FGD1: variants seen among roughly 807,000 people sequenced by gnomAD.
FGD1 encodes FYVE, RhoGEF and PH domain-containing protein 1.
A neutral mutation model predicts 65.0 loss-of-function variants in FGD1; 12 were observed. The observed-to-expected ratio is 0.18, with a 90% CI of 0.12 to 0.30. The LOEUF (loss-of-function observed/expected upper bound fraction) is 0.30. Among genes scored for constraint, FGD1 ranks in the 10% least tolerant of loss-of-function variants. FGD1 has a pLI of 1.00. For missense variants in FGD1, 542 were observed against 837.6 expected, an observed-to-expected ratio of 0.65 and a Z score of 4.36; for synonymous variants, 333 against 343.9, an observed-to-expected ratio of 0.97 and a Z score of 0.35.
At chrX:54,487,007 A>AAAC (rs932487637) in intron 1 of FGD1, among the ~76,000 whole-genome samples, 1 of 103,471 alleles carries the variant, frequency 9.7e-6, no homozygotes, top group Non-Finnish European at 2.0e-5. Flanking sequence ...AAAACAAAGA[A>AAAC]AACAACAACA....
chrX:54,470,418 G>A lies in FGD1; in HGVS notation c.699C>T (p.Gly233=). 1.7e-6 allele frequency: 2 copies of A among 1,208,043 alleles called. No individual in the cohort carries two copies. Among genetic ancestry groups the A allele is most frequent in the Non-Finnish European group, 1.1e-6 (1 of 894,958 alleles). The change falls in exon 4 of 18, where the codon GGC becomes GGT. Residue 233 remains glycine, a synonymous_variant. Transcript: ENST00000375135. ...VIVASDRPVP[G]PSPGPPEPVM... ...CTGGCTCTGGGGGACCTGGGCTGGG[G>A]CCAGGGACTGGTCTATCCGAGGCGA...
Position 54,446,364 on chromosome X carries a change from C to T in FGD1, c.2631G>A (p.Pro877=), listed in dbSNP as rs370717352. ...TGTCAGGCCGCTCCCCTGCCTCGGG[C>T]GGTCCCACCTCGAAGCCAATGAGGG... is the stretch of plus-strand genomic sequence containing the variant. ...SLPLIGFEVG[P]PEAGERPDRR... is the part of the protein sequence containing the mutation. Residue 877 remains proline (P), a synonymous_variant, in exon 18 of 18, where the codon CCG becomes CCA. Coordinates refer to ENST00000375135, the MANE Select transcript of FGD1 (RefSeq NM_004463.3). 183 of 1,209,418 alleles carry T rather than the reference C, an allele frequency of 1.5e-4. No homozygotes were observed. The highest frequency in any genetic ancestry group is 1.9e-4 in the Non-Finnish European group (173 of 894,777).
At chrX:54,447,273 C>T in intron 17 of FGD1, 38 bp downstream of exon 17, 1 of 1,205,960 alleles carries the variant, frequency 8.3e-7, no homozygotes, top group East Asian at 3.0e-5. Context: ...CTGGCTTTGC[C>T]AGGTGGCTGA....
chrX:54,465,962 C>A, intron 6 of FGD1, 110 bp from the exon 7 acceptor site: 1 of 896,113 alleles, frequency 1.1e-6, no homozygotes, highest in South Asian at 2.1e-5. Flanking sequence ...TCCTAGAAAC[C>A]TACTTCTCAG....
At position 54,455,821 on chromosome X, in the gene FGD1, G is replaced by T. The variant is rs1446570494; in HGVS notation, c.1843-37C>A. 3 of 1,051,216 alleles carry T rather than the reference G, an allele frequency of 2.9e-6. No individual in the cohort carries two copies. The Admixed American group carries it at 7.7e-5, about 27-fold the overall frequency. The allele number at this position is 1,051,216 out of a possible 1,213,427, so 86.6% of individuals were successfully genotyped here. ...AAAGTTTGGGATGTATGTGCAGAGGGCCTAGTGGGGATGTGGCCCAGCTCC... is the reference window on the plus strand; with the variant it reads ...AAAGTTTGGGATGTATGTGCAGAGGTCCTAGTGGGGATGTGGCCCAGCTCC... On this transcript the variant is annotated intron_variant, in intron 10 of 17. Coordinates refer to ENST00000375135, the MANE Select transcript of FGD1 (RefSeq NM_004463.3).
chrX:54,473,640 A>G (rs1350358545), intron 1 of FGD1, among the ~76,000 whole-genome samples: 1 of 112,803 alleles, frequency 8.9e-6, no homozygotes, highest in Non-Finnish European at 1.9e-5. Context: ...AACTATTTAC[A>G]TAGCATTTAC....
At chrX:54,487,243 A>G (rs1923300993) in intron 1 of FGD1, among the ~76,000 whole-genome samples, 1 of 111,110 alleles carries the variant, frequency 9.0e-6, no homozygotes, top group African/African-American at 3.3e-5. Context: ...TTCCCCTGAA[A>G]AAAGGCATTT....
At chrX:54,450,467 ATT>A in intron 12 of FGD1, among the ~76,000 whole-genome samples, 166 bp from the exon 13 acceptor site, 1 of 111,918 alleles carries the variant, frequency 8.9e-6, no homozygotes, top group Non-Finnish European at 1.9e-5. Flanking sequence ...GCCTGGGTTT[ATT>A]TATTCAACGA....
chrX:54,488,638 G>A (rs191845483), intron 1 of FGD1, among the ~76,000 whole-genome samples: 7 of 111,290 alleles, frequency 6.3e-5, no homozygotes, highest in East Asian at 5.6e-4. Context: ...TCACACTACC[G>A]ACTTTAAACT....
chrX:54,469,376 T>C (rs766055343), intron 4 of FGD1, among the ~76,000 whole-genome samples: 1 of 112,261 alleles, frequency 8.9e-6, no homozygotes, highest in East Asian at 2.8e-4. Flanking sequence ...AATTAGATAA[T>C]TTAATATAAA....
At chrX:54,456,156 G>T in intron 10 of FGD1, 64 bp downstream of exon 10, 1 of 1,139,520 alleles carries the variant, frequency 8.8e-7, no homozygotes, top group South Asian at 1.8e-5. Context: ...TGAGTACCAG[G>T]TCACTATGTG....
intron 8 of FGD1, among the ~76,000 whole-genome samples, chrX:54,461,600 CAAAAAAAAAAAAAA>C (rs1165040158): frequency 1.9e-3 from 35 of 18,057 alleles, no homozygotes; most frequent in Admixed American, 9.0e-4. Context: ...GACTCTGTCT[CAAAAAAAAAAAAAA>C]AAAAAAAAAA....
At chrX:54,474,723 G>A (rs996987611) in intron 1 of FGD1, among the ~76,000 whole-genome samples, 6 of 112,772 alleles carry the variant, frequency 5.3e-5, no homozygotes, top group Non-Finnish European at 9.4e-5. Flanking sequence ...TGGCACAGGC[G>A]GAGATGTGGT....
In FGD1 at chrX:54,470,722, G is replaced by GGGGGGGC; in HGVS notation, c.519_520insGCCCCCC (p.Pro174AlafsTer45). On this transcript the variant is annotated frameshift_variant, in exon 3 of 18. Transcript: ENST00000375135. LOFTEE classifies it high-confidence loss of function. ...GGGGGGATGGGCTCCAGTGGGGGGG[G>GGGGGGGC]CATCCGGGGCATCTGCAGGTAGCTG... is the stretch of plus-strand genomic sequence containing the variant. The GGGGGGGC allele has an allele frequency of 3.7e-6, 2 of 538,259 alleles. No individual in the cohort carries two copies. The highest frequency in any genetic ancestry group is 5.6e-6 in the Non-Finnish European group (2 of 356,052). The allele number at this position is 538,259 out of a possible 1,213,427, so 44.4% of individuals were successfully genotyped here.
chrX:54,450,668 T>A (rs1421190928), intron 12 of FGD1, among the ~76,000 whole-genome samples: 1 of 110,944 alleles, frequency 9.0e-6, no homozygotes, highest in African/African-American at 3.3e-5. Flanking sequence ...GGGTGAGGAC[T>A]TTTCAAGGAG....
intron 12 of FGD1, 47 bp downstream of exon 12, chrX:54,455,401 A>C: frequency 9.7e-7 from 1 of 1,026,684 alleles, no homozygotes; most frequent in Non-Finnish European, 1.4e-6. Context: ...ATATCTGAAC[A>C]AAAGGGAGGT....
At chrX:54,460,424 G>A (rs985439913) in intron 8 of FGD1, among the ~76,000 whole-genome samples, 14 of 105,812 alleles carry the variant, frequency 1.3e-4, no homozygotes, top group Non-Finnish European at 2.7e-4. Context: ...TGGCGAAAGA[G>A]CGAGACTCAG....
chrX:54,495,106 T>C lies in FGD1; in HGVS notation c.307+20A>G. 8.6e-7 allele frequency: 1 copy of C among 1,168,894 alleles called. No individual in the cohort carries two copies. On this transcript the variant is annotated intron_variant, in intron 1 of 17. Coordinates refer to ENST00000375135, the MANE Select transcript of FGD1 (RefSeq NM_004463.3). ...AGGCCCGTGGCCCGGGCTCCCATGC[T>C]CTCTCAGTCGCTCACTCACCAGGCC...
chrX:54,449,224 C>T lies in FGD1; in HGVS notation c.2193G>A (p.Lys731=). 8.3e-7 allele frequency: 1 copy of T among 1,211,996 alleles called. No homozygotes were observed. Among genetic ancestry groups the T allele is most frequent in the Non-Finnish European group, 1.1e-6 (1 of 895,493 alleles). The change falls in exon 15 of 18, where the codon AAG becomes AAA. Residue 731 remains lysine, a synonymous_variant. Coordinates refer to ENST00000375135, the MANE Select transcript of FGD1 (RefSeq NM_004463.3). ...GKRAPTPIRE[K]EVTMCMRCQE... ...GGCAGCGCATGCACATGGTGACTTC[C>T]TTTTCCCGGATGGGCGTAGGTGCCC...
Sources: allele counts gnomAD v4.1 joint callset (sites outside exome capture counted in the v4.1 genomes callset), GRCh38; gene constraint gnomAD v4.1.1; transcripts MANE v1.5; gene names NCBI Gene and HGNC (gene_info 2026-07-23, HGNC 2026-07-21).